The following PAG1 variants were observed in gnomAD, a reference collection of about 807,000 sequenced individuals.
PAG1 encodes the protein phosphoprotein membrane anchor with glycosphingolipid microdomains 1.
Under a neutral mutation model 31.7 loss-of-function variants are expected in PAG1, and 23 were observed. That is an observed-to-expected ratio of 0.73 (90% CI 0.52 to 1.03). The LOEUF (loss-of-function observed/expected upper bound fraction) is 1.03, where lower values mean the gene tolerates loss of function less well. Ranked by LOEUF, PAG1 falls within the 50% of genes least tolerant of loss-of-function variation. The pLI, the probability that PAG1 is intolerant of heterozygous loss-of-function variation, is 0.00. For missense variants in PAG1, 473 were observed against 540.7 expected (o/e 0.87, Z 1.24); for synonymous variants, 214 against 210.3 (o/e 1.02, Z -0.15).
Position 80,976,331 on chromosome 8 carries a change from C to A in PAG1, c.*213G>T. On this transcript the variant is annotated 3_prime_UTR_variant, in exon 9 of 9. Transcript: ENST00000220597. ...GATGTGCTTGGGTGTACCTGTCCATCTGGCAGGCAGGGGCACACTCAGGTG... is the reference window on the plus strand; with the variant it reads ...GATGTGCTTGGGTGTACCTGTCCATATGGCAGGCAGGGGCACACTCAGGTG... The A allele has an allele frequency of 1.9e-6, 1 of 531,362 alleles. No homozygotes were observed. Among genetic ancestry groups the A allele is most frequent in the Non-Finnish European group, 3.3e-6 (1 of 300,400 alleles). The allele number at this position is 531,362 out of a possible 1,614,324, so 32.9% of individuals were successfully genotyped here.
At chr8:80,985,598 T>C (rs1807402404) in intron 6 of PAG1, among the ~76,000 whole-genome samples, 1 of 152,268 alleles carries the variant, frequency 6.6e-6, no homozygotes, top group Admixed American at 6.5e-5. Flanking sequence ...ATTTAATAAG[T>C]TATCTTGGCT....
Position 80,969,640 on chromosome 8 carries a change from A to G in PAG1, c.*6904T>C, listed in dbSNP as rs1266784822. 1 of 152,246 alleles carries G rather than the reference A, an allele frequency of 6.6e-6. No individual in the cohort carries two copies. Among genetic ancestry groups the G allele is most frequent in the African/African-American group, 2.4e-5 (1 of 41,466 alleles). 9.4% of individuals were successfully genotyped at this position (152,246 alleles called of 1,614,324 possible). ...CTGTGTCCTATTTAGAGTGCCTAACAGGTATACTAGGGGAACTTTAAAAAA... is the reference window on the plus strand; with the variant it reads ...CTGTGTCCTATTTAGAGTGCCTAACGGGTATACTAGGGGAACTTTAAAAAA... On this transcript the variant is annotated 3_prime_UTR_variant, in exon 9 of 9. Coordinates refer to ENST00000220597, the MANE Select transcript of PAG1 (RefSeq NM_018440.4).
Position 81,008,858 on chromosome 8 carries a change from G to T in PAG1, c.-80-15551C>A, listed in dbSNP as rs114957058. Among the ~76,000 whole-genome samples the T allele has an allele frequency of 6.9e-3, 1,054 of 152,114 alleles. 9 individuals carry two copies. Among genetic ancestry groups the T allele is most frequent in the African/African-American group, 0.024 (1,011 of 41,516 alleles). ...CTACTGATGAAGTAATGTCATAAAA[G>T]TAGCTTTTATAAAATATTAATATAA... On this transcript the variant is annotated intron_variant, in intron 3 of 8. Coordinates refer to ENST00000220597, the MANE Select transcript of PAG1 (RefSeq NM_018440.4).
intron 3 of PAG1, among the ~76,000 whole-genome samples, chr8:81,008,427 G>A (rs1183793797): frequency 2.0e-5 from 3 of 151,650 alleles, no homozygotes; most frequent in Non-Finnish European, 4.4e-5. Context: ...TCTATCATAC[G>A]TTTTTGATTC....
chr8:81,022,650 G>A (rs1347963128), intron 3 of PAG1, among the ~76,000 whole-genome samples: 1 of 151,898 alleles, frequency 6.6e-6, no homozygotes, highest in African/African-American at 2.4e-5. Context: ...ATTTATAATT[G>A]GCATTTCAAA....
intron 2 of PAG1, among the ~76,000 whole-genome samples, chr8:81,036,231 A>ATC (rs1476910329): frequency 3.9e-5 from 6 of 152,238 alleles, no homozygotes; most frequent in African/African-American, 1.4e-4. Context: ...AAGACTGGAT[A>ATC]AAGTTAAAAT....
intron 1 of PAG1, among the ~76,000 whole-genome samples, chr8:81,091,338 T>G (rs1809442992): frequency 6.6e-6 from 1 of 152,138 alleles, no homozygotes; most frequent in Admixed American, 6.5e-5. Flanking sequence ...CTCCAAAAGA[T>G]GCACTAAACA....
intron 3 of PAG1, among the ~76,000 whole-genome samples, chr8:80,997,717 T>C (rs1807708268): frequency 1.3e-5 from 2 of 152,214 alleles, no homozygotes; most frequent in African/African-American, 4.8e-5. Flanking sequence ...CCACAGAAGA[T>C]GGTAATATTA....
At chr8:81,109,284 G>A (rs1054624372) in intron 1 of PAG1, among the ~76,000 whole-genome samples, 3 of 152,242 alleles carry the variant, frequency 2.0e-5, no homozygotes, top group Non-Finnish European at 2.9e-5. Context: ...ATTTCTTCAT[G>A]TATAAATTGA....
chr8:81,058,047 G>A (rs1463753694), intron 2 of PAG1, among the ~76,000 whole-genome samples: 1 of 152,166 alleles, frequency 6.6e-6, no homozygotes, highest in Non-Finnish European at 1.5e-5. Context: ...GATGTGACAT[G>A]GAAGGGATTA....
chr8:81,045,571 G>A (rs114047515), intron 2 of PAG1, among the ~76,000 whole-genome samples: 63 of 152,196 alleles, frequency 4.1e-4, no homozygotes, highest in African/African-American at 1.5e-3. Context: ...AGGGGTGAGG[G>A]GTTTCCTTCT....
intron 1 of PAG1, among the ~76,000 whole-genome samples, chr8:81,074,562 G>A (rs550068863): frequency 6.6e-6 from 1 of 152,002 alleles, no homozygotes; most frequent in South Asian, 2.1e-4. Flanking sequence ...AGGAGAGAGT[G>A]GATTAGACAC....
chr8:81,058,929 G>A (rs1225207936), intron 2 of PAG1, among the ~76,000 whole-genome samples: 1 of 152,070 alleles, frequency 6.6e-6, no homozygotes, highest in East Asian at 1.9e-4. Context: ...AACTCAATAA[G>A]TGTTCTATAT....
chr8:80,986,231 C>T (rs761935642), intron 6 of PAG1, among the ~76,000 whole-genome samples: 3 of 152,134 alleles, frequency 2.0e-5, no homozygotes, highest in Admixed American at 6.5e-5. Context: ...TCCCCCAATC[C>T]TTCTGAACTT....
At chr8:81,101,558 G>A (rs1385511831) in intron 1 of PAG1, among the ~76,000 whole-genome samples, 4 of 152,062 alleles carry the variant, frequency 2.6e-5, no homozygotes, top group South Asian at 4.1e-4. Context: ...AGACAGTTAC[G>A]TGTTAATTCC....
intron 2 of PAG1, among the ~76,000 whole-genome samples, chr8:81,059,129 C>T (rs1808876078): frequency 6.6e-6 from 1 of 152,086 alleles, no homozygotes; most frequent in South Asian, 2.1e-4. Flanking sequence ...AAACTATACA[C>T]ATCCTCCCAT....
chr8:81,100,491 C>G (rs1466551811), intron 1 of PAG1, among the ~76,000 whole-genome samples: 1 of 152,194 alleles, frequency 6.6e-6, no homozygotes, highest in Admixed American at 6.5e-5. Flanking sequence ...AGCAGCATCC[C>G]TGGCCTCTAC....
At chr8:81,017,001 C>G (rs1808083930) in intron 3 of PAG1, among the ~76,000 whole-genome samples, 1 of 152,206 alleles carries the variant, frequency 6.6e-6, no homozygotes, top group African/African-American at 2.4e-5. Flanking sequence ...GAGAGCCCCA[C>G]CAAGATCAGC....
At chr8:81,019,852 C>T (rs1055907263) in intron 3 of PAG1, among the ~76,000 whole-genome samples, 3 of 152,154 alleles carry the variant, frequency 2.0e-5, no homozygotes, top group African/African-American at 7.2e-5. Context: ...GACAGCTTGC[C>T]CTGTGCACCT....
Sources: allele counts gnomAD v4.1 joint callset (sites outside exome capture counted in the v4.1 genomes callset), GRCh38; gene constraint gnomAD v4.1.1; transcripts MANE v1.5; gene names NCBI Gene and HGNC (gene_info 2026-07-23, HGNC 2026-07-21).